Variants in TDRD3 observed in about 807,000 individuals in gnomAD.
TDRD3 encodes tudor domain-containing protein 3.
TDRD3 carries 45 observed loss-of-function variants against 86.7 expected under a neutral mutation model. The observed-to-expected ratio is 0.52, with a 90% CI of 0.41 to 0.67. The LOEUF (loss-of-function observed/expected upper bound fraction) is 0.67. TDRD3 is among the 30% of genes least tolerant of loss of function. The pLI is 0.00. For synonymous variants in TDRD3, 298 were observed against 301.7 expected, an observed-to-expected ratio of 0.99 and a Z score of 0.13; for missense variants, 814 against 889.0, an observed-to-expected ratio of 0.92 and a Z score of 1.07.
chr13:60,397,399 C>A lies in TDRD3; in HGVS notation c.35C>A (p.Ala12Glu), dbSNP rs1456633012. ...GTGGCCGGCGCGGCGTTGTCCCAGGCGGGTTGGTAAGTGGCGAGTCCCGCC... is the reference window on the plus strand; with the variant it reads ...GTGGCCGGCGCGGCGTTGTCCCAGGAGGGTTGGTAAGTGGCGAGTCCCGCC... ...AQVAGAALSQ[A>E]GWYLSDEGIE... Residue 12 changes from alanine to glutamate, a missense_variant, in exon 1 of 14, where the codon GCG becomes GAG. Ala to Glu is a moderately radical substitution (Grantham distance 107). Transcript: ENST00000377881. The A allele has an allele frequency of 5.3e-6, 8 of 1,499,256 alleles. No individual in the cohort carries two copies. The Admixed American group carries it at 1.2e-4, about 23-fold the overall frequency. 92.9% of individuals were successfully genotyped at this position (1,499,256 alleles called of 1,614,324 possible).
At chr13:60,504,912 T>C (rs1168723006) in intron 8 of TDRD3, among the ~76,000 whole-genome samples, 1 of 152,208 alleles carries the variant, frequency 6.6e-6, no homozygotes, top group Non-Finnish European at 1.5e-5. Context: ...TCGGCCCAGA[T>C]ACTATGCTTT....
intron 1 of TDRD3, among the ~76,000 whole-genome samples, chr13:60,434,509 C>CCGCA (rs1955040553): frequency 6.6e-6 from 1 of 150,992 alleles, no homozygotes; most frequent in Admixed American, 6.6e-5. Flanking sequence ...ACTGCGGTGA[C>CCGCA]TTAAAAATTG....
chr13:60,529,111 G>A lies in TDRD3; in HGVS notation c.1886G>A (p.Gly629Glu). 2 of 1,613,796 alleles carry A rather than the reference G, an allele frequency of 1.2e-6. No individual in the cohort carries two copies. The highest frequency in any genetic ancestry group is 1.7e-6 in the Non-Finnish European group (2 of 1,179,888). The part of the protein sequence containing the change: ...FYNSGPKRRS[G>E]PIKPEKILES... ...AATAGTGGGCCCAAACGAAGATCTG[G>A]GCCAATTAAGCCAGAAAAAATACTA... The change falls in exon 11 of 14, where the codon GGG becomes GAG. Residue 629 changes from glycine (G) to glutamate (E), a missense_variant. By Grantham distance (98) the Gly-to-Glu change is moderately conservative (BLOSUM62 -2). Transcript: ENST00000377881.
intron 12 of TDRD3, among the ~76,000 whole-genome samples, chr13:60,556,570 T>C (rs1688351442): frequency 6.6e-6 from 1 of 152,204 alleles, no homozygotes; most frequent in Non-Finnish European, 1.5e-5. Context: ...GCAAGCACAA[T>C]ATGAGTGACC....
chr13:60,498,857 G>T (rs577793227), intron 8 of TDRD3, among the ~76,000 whole-genome samples: 62 of 152,258 alleles, frequency 4.1e-4, no homozygotes, highest in African/African-American at 1.2e-3. Flanking sequence ...AAATGTCACT[G>T]TGGTCCTCCA....
At chr13:60,467,207 T>C in intron 4 of TDRD3, 31 bp from the exon 5 acceptor site, 4 of 1,610,514 alleles carry the variant, frequency 2.5e-6, no homozygotes, top group Non-Finnish European at 2.5e-6. Context: ...TCAGCTTCAA[T>C]ATGTTTTTAA....
intron 8 of TDRD3, among the ~76,000 whole-genome samples, chr13:60,502,147 T>G (rs887493386): frequency 6.6e-6 from 1 of 152,200 alleles, no homozygotes; most frequent in Non-Finnish European, 1.5e-5. Context: ...TCTTCCCAAA[T>G]GAACCTCTGG....
intron 10 of TDRD3, among the ~76,000 whole-genome samples, chr13:60,525,320 C>T (rs777212069): frequency 5.3e-5 from 8 of 150,420 alleles, no homozygotes; most frequent in African/African-American, 2.0e-4. Context: ...ATTACAGGGC[C>T]GCGCCACCAA....
chr13:60,546,753 TC>T (rs895595988), intron 12 of TDRD3, among the ~76,000 whole-genome samples: 1 of 152,142 alleles, frequency 6.6e-6, no homozygotes, highest in African/African-American at 2.4e-5. Context: ...AATCAACCCT[TC>T]CTAAGTTTAA....
intron 1 of TDRD3, among the ~76,000 whole-genome samples, chr13:60,412,935 T>A (rs1016282852): frequency 6.6e-6 from 1 of 152,178 alleles, no homozygotes; most frequent in Non-Finnish European, 1.5e-5. Flanking sequence ...ATGCGTACTT[T>A]AAAAGTTGAA....
At chr13:60,455,881 A>G (rs1040081638) in intron 3 of TDRD3, among the ~76,000 whole-genome samples, 3 of 152,058 alleles carry the variant, frequency 2.0e-5, no homozygotes, top group African/African-American at 7.2e-5. Flanking sequence ...CAGCCTGGCC[A>G]ACATGGTGAA....
At chr13:60,554,843 G>C (rs759146832) in intron 12 of TDRD3, among the ~76,000 whole-genome samples, 29 of 152,258 alleles carry the variant, frequency 1.9e-4, no homozygotes, top group Non-Finnish European at 3.5e-4. Flanking sequence ...ATTGTAATCA[G>C]TTCCCCCAAC....
intron 12 of TDRD3, among the ~76,000 whole-genome samples, chr13:60,557,805 AT>A (rs998163037): frequency 2.0e-4 from 21 of 104,416 alleles, no homozygotes; most frequent in South Asian, 1.5e-3. Context: ...GGCATAAAGG[AT>A]TTTTTTTTTC....
intron 12 of TDRD3, among the ~76,000 whole-genome samples, chr13:60,566,934 A>G (rs1958473631): frequency 6.6e-6 from 1 of 152,296 alleles, no homozygotes; most frequent in Non-Finnish European, 1.5e-5. Flanking sequence ...TCTATCTTGC[A>G]TGAAGCTTTC....
In TDRD3 at chr13:60,529,133, A is replaced by G. The variant is rs750650862; in HGVS notation, c.1908A>G (p.Ile636Met). Reference sequence around the variant, plus strand: ...CTGGGCCAATTAAGCCAGAAAAAATACTAGAATCATCTATTCCTATGGAGT... The same window carrying G: ...CTGGGCCAATTAAGCCAGAAAAAATGCTAGAATCATCTATTCCTATGGAGT... ...RRSGPIKPEK[I>M]LESSIPMEYA... is the part of the protein sequence containing the mutation. The change falls in exon 11 of 14, where the codon ATA (isoleucine) becomes ATG (methionine). Residue 636 changes from isoleucine (I) to methionine (M), a missense_variant. Coordinates refer to ENST00000377881, the MANE Select transcript of TDRD3 (RefSeq NM_001146070.2). 8 of 1,614,020 alleles carry G rather than the reference A, an allele frequency of 5.0e-6. No homozygotes were observed. In the African/African-American group the frequency reaches 5.3e-5, roughly 11 times the overall value.
intron 3 of TDRD3, among the ~76,000 whole-genome samples, chr13:60,455,574 G>T (rs894816459): frequency 6.6e-6 from 1 of 152,132 alleles, no homozygotes; most frequent in African/African-American, 2.4e-5. Flanking sequence ...GTAGATAAAA[G>T]AACTATGGAA....
intron 5 of TDRD3, among the ~76,000 whole-genome samples, chr13:60,473,417 T>A (rs567614781): frequency 2.0e-4 from 30 of 152,356 alleles, no homozygotes; most frequent in African/African-American, 6.7e-4. Context: ...TTGCATTTTT[T>A]AAATGATTCT....
chr13:60,423,847 G>T (rs1954725251), intron 1 of TDRD3, among the ~76,000 whole-genome samples: 1 of 151,986 alleles, frequency 6.6e-6, no homozygotes, highest in Admixed American at 6.5e-5. Context: ...ATGAATAAAT[G>T]AACTAAATTT....
chr13:60,510,734 A>G lies in TDRD3; in HGVS notation c.1120A>G (p.Met374Val). ...ATTATTTGATTTCTTGGAATCTAAAATGGGAACTTTGAATGTGGAAGGTAA... is the reference window on the plus strand; with the variant it reads ...ATTATTTGATTTCTTGGAATCTAAAGTGGGAACTTTGAATGTGGAAGGTAA... ...STLFDFLESK[M>V]GTLNVEEPKS... Residue 374 changes from methionine to valine, a missense_variant, in exon 10 of 14, where the codon ATG (methionine) becomes GTG (valine). Physicochemically the swap from Met to Val is conservative, Grantham distance 21. Coordinates refer to ENST00000377881, the MANE Select transcript of TDRD3 (RefSeq NM_001146070.2). 6.3e-7 allele frequency: 1 copy of G among 1,585,524 alleles called. No homozygotes were observed. Among genetic ancestry groups the G allele is most frequent in the Non-Finnish European group, 8.6e-7 (1 of 1,167,112 alleles).
Sources: gnomAD v4.1 joint callset for allele counts (sites outside exome capture counted in the v4.1 genomes callset) on GRCh38, gnomAD v4.1.1 for gene constraint, MANE v1.5 for transcripts, NCBI Gene and HGNC (gene_info 2026-07-23, HGNC 2026-07-21) for gene names.